Variants in ZNF773 observed in about 807,000 individuals in gnomAD.
The protein encoded by ZNF773 is zinc finger protein 419B.
Under a neutral mutation model 12.8 loss-of-function variants are expected in ZNF773, and 11 were observed. The ratio of observed to expected loss-of-function variants is 0.86; its 90% confidence interval spans 0.54 to 1.42. ZNF773 has a LOEUF of 1.42. Among genes scored for constraint, ZNF773 ranks in the 40% most tolerant of loss-of-function variants. The probability of loss-of-function intolerance (pLI) is 0.00; values close to 1 mark genes in which losing one functional copy is unlikely to be tolerated. For synonymous variants in ZNF773, 175 were observed against 178.4 expected, an observed-to-expected ratio of 0.98 and a Z score of 0.15; for missense variants, 518 against 527.2, an observed-to-expected ratio of 0.98 and a Z score of 0.17.
Position 57,500,053 on chromosome 19 carries a change from G to T in ZNF773, c.-28G>T, listed in dbSNP as rs12463137. On this transcript the variant is annotated 5_prime_UTR_variant, in exon 1 of 4. Transcript: ENST00000282292. ...CCAGGGTGGCCCGGGCCCTTTCCTC[G>T]GTCGTTGTCTCACCGCCACAGGCTC... The T allele has an allele frequency of 0.26, 404,754 of 1,575,490 alleles. 54,058 individuals carry two copies. Among genetic ancestry groups the T allele is most frequent in the Admixed American group, 0.4 (22,260 of 55,862 alleles).
downstream of ZNF773, chr19:57,513,176 G>C: frequency 8.1e-7 from 1 of 1,237,870 alleles, no homozygotes; most frequent in Non-Finnish European, 1.0e-6. Context: ...GAGGTACTGG[G>C]AGTGGGAAGT....
At chr19:57,508,435 A>G (rs2089770642), downstream of ZNF773, 2 of 659,318 alleles carry the variant, frequency 3.0e-6, no homozygotes, top group African/African-American at 1.8e-5. Flanking sequence ...TATGAATGTT[A>G]GATCTTCTTT....
chr19:57,502,816 G>A (rs1327056232), intron 1 of ZNF773, among the ~76,000 whole-genome samples: 5 of 151,988 alleles, frequency 3.3e-5, no homozygotes, highest in Non-Finnish European at 7.4e-5. Context: ...TTAGCCTCCC[G>A]AGTAGCTGGG....
intron 1 of ZNF773, among the ~76,000 whole-genome samples, chr19:57,504,270 G>A (rs2089701655): frequency 6.6e-6 from 1 of 152,222 alleles, no homozygotes; most frequent in African/African-American, 2.4e-5. Flanking sequence ...GCAGGGGGCA[G>A]TGGTTGTGGT....
chr19:57,499,943 C>T lies in ZNF773; in HGVS notation c.-138C>T, dbSNP rs1395484459. On this transcript the variant is annotated 5_prime_UTR_variant, in exon 1 of 4. Coordinates refer to ENST00000282292, the MANE Select transcript of ZNF773 (RefSeq NM_198542.3). ...CAGCTTGCCGGAAGCTGGTTGTTCG[C>T]TGCGGCGACCAGCTCCGGAAAGCGC... is the stretch of plus-strand genomic sequence containing the variant. 2.5e-6 allele frequency: 3 copies of T among 1,201,008 alleles called. No individual in the cohort carries two copies. The highest frequency in any genetic ancestry group is 2.8e-5 in the East Asian group (1 of 35,328). 74.4% of individuals were successfully genotyped at this position (1,201,008 alleles called of 1,614,324 possible). A position where few individuals can be genotyped will look rare whatever the true frequency, so the allele number is the denominator to read the frequency against.
downstream of ZNF773, chr19:57,508,591 T>C: frequency 1.4e-6 from 1 of 698,618 alleles, no homozygotes; most frequent in South Asian, 1.5e-5. Flanking sequence ...GTTTCAAATT[T>C]TAAGAACTTG....
intron 1 of ZNF773, among the ~76,000 whole-genome samples, chr19:57,503,208 A>G (rs2089689282): frequency 6.6e-6 from 1 of 152,194 alleles, no homozygotes; most frequent in Admixed American, 6.5e-5. Flanking sequence ...GGAAACCCAC[A>G]TGATACAGTT....
chr19:57,506,292 G>T, intron 3 of ZNF773, 66 bp from the exon 4 acceptor site: 2 of 1,495,062 alleles, frequency 1.3e-6, no homozygotes, highest in South Asian at 1.3e-5. Flanking sequence ...TGTCAGACAC[G>T]TGTGAGAGTG....
At position 57,507,188 on chromosome 19, in the gene ZNF773, G is replaced by C. The variant is rs372352399; in HGVS notation, c.1093G>C (p.Gly365Arg). The part of the protein sequence containing the change: ...GERPYECSEC[G>R]KFFSQSSSLM... Reference sequence around the variant, plus strand: ...AAGGCCTTATGAGTGCAGTGAATGTGGGAAATTTTTTAGCCAAAGCTCAAG... The same window carrying C: ...AAGGCCTTATGAGTGCAGTGAATGTCGGAAATTTTTTAGCCAAAGCTCAAG... The change falls in exon 4 of 4, where the codon GGG (glycine) becomes CGG (arginine). Residue 365 changes from glycine to arginine, a missense_variant. Physicochemically the swap from Gly to Arg is moderately radical, Grantham distance 125 (BLOSUM62 -2). Coordinates refer to ENST00000282292, the MANE Select transcript of ZNF773 (RefSeq NM_198542.3). The C allele has an allele frequency of 1.7e-5, 27 of 1,614,044 alleles. No individual in the cohort carries two copies. The highest frequency in any genetic ancestry group is 2.0e-5 in the Non-Finnish European group (24 of 1,180,024).
downstream of ZNF773, among the ~76,000 whole-genome samples, chr19:57,511,211 C>T (rs998374759): frequency 6.6e-5 from 10 of 151,932 alleles, no homozygotes; most frequent in East Asian, 1.9e-4. Flanking sequence ...CCACCTCTCC[C>T]GGATACTTTT....
chr19:57,512,144 A>T (rs2089800520), downstream of ZNF773, among the ~76,000 whole-genome samples: 2 of 152,336 alleles, frequency 1.3e-5, no homozygotes, highest in South Asian at 2.1e-4. Flanking sequence ...TACAGGTCCA[A>T]TTATATGTGA....
Position 57,505,531 on chromosome 19 carries a change from C to T in ZNF773, c.262+131C>T, listed in dbSNP as rs1046748572. 7.7e-6 allele frequency: 8 copies of T among 1,033,372 alleles called. No individual in the cohort carries two copies. The African/African-American group carries it at 1.3e-4, about 16-fold the overall frequency. 64.0% of individuals were successfully genotyped at this position (1,033,372 alleles called of 1,614,324 possible). A position where few individuals can be genotyped will look rare whatever the true frequency, so the allele number is the denominator to read the frequency against. On this transcript the variant is annotated intron_variant, in intron 3 of 3. Transcript: ENST00000282292. ...TCGTCGCTGATTTCTATCTTTTCTT[C>T]CTCAGTCACCCATTTATATCTATTC...
Position 57,507,278 on chromosome 19 carries a change from T to C in ZNF773, c.1183T>C (p.Phe395Leu). 6.2e-7 allele frequency: 1 copy of C among 1,611,176 alleles called. No homozygotes were observed. The highest frequency in any genetic ancestry group is 8.5e-7 in the Non-Finnish European group (1 of 1,178,070). Residue 395 changes from phenylalanine (F) to leucine (L), a missense_variant, in exon 4 of 4, where the codon TTC becomes CTC. By Grantham distance (22) the Phe-to-Leu change is conservative. Transcript: ENST00000282292. ...TTTTAAGTGCAATGAATGTGGGAGA[T>C]TCTTTAGTGAGAATTCCAGCCTTGT... ...KPFKCNECGR[F>L]FSENSSLVKH...
At chr19:57,512,470 C>T (rs2089803258), downstream of ZNF773, among the ~76,000 whole-genome samples, 1 of 132,948 alleles carries the variant, frequency 7.5e-6, no homozygotes, top group Admixed American at 9.0e-5. Context: ...GTGGCATGAT[C>T]TTGGCTCACC....
At chr19:57,500,983 G>A (rs1324879034) in intron 1 of ZNF773, among the ~76,000 whole-genome samples, 2 of 152,192 alleles carry the variant, frequency 1.3e-5, no homozygotes, top group Non-Finnish European at 2.9e-5. Context: ...TGCAGGAATG[G>A]AGGGTTATAG....
Position 57,507,298 on chromosome 19 carries a change from C to G in ZNF773, c.1203C>G (p.Ser401Arg). The part of the protein sequence containing the change: ...ECGRFFSENS[S>R]LVKHQRVHTG... ...GGAGATTCTTTAGTGAGAATTCCAG[C>G]CTTGTTAAACATCAGAGGGTTCACA... The change falls in exon 4 of 4, where the codon AGC (serine) becomes AGG (arginine). Residue 401 changes from serine (S) to arginine (R), a missense_variant. Physicochemically the swap from Ser to Arg is moderately radical, Grantham distance 110. Transcript: ENST00000282292. 4 of 1,614,068 alleles carry G rather than the reference C, an allele frequency of 2.5e-6. No homozygotes were observed. The South Asian group carries it at 4.4e-5, about 18-fold the overall frequency.
downstream of ZNF773, chr19:57,508,581 G>C: frequency 1.4e-6 from 1 of 698,148 alleles, no homozygotes. Flanking sequence ...TGATCCAAAT[G>C]TTTCAAATTT....
At chr19:57,505,625 T>C (rs911316692) in intron 3 of ZNF773, among the ~76,000 whole-genome samples, 1 of 152,014 alleles carries the variant, frequency 6.6e-6, no homozygotes, top group African/African-American at 2.4e-5. Context: ...CAGCAGCACC[T>C]TTCAGCAGTG....
At chr19:57,505,849 A>G (rs1032891509) in intron 3 of ZNF773, among the ~76,000 whole-genome samples, 14 of 151,766 alleles carry the variant, frequency 9.2e-5, no homozygotes, top group African/African-American at 3.1e-4. Context: ...AGCCAGGACT[A>G]CAGGCGCCCG....
Sources: allele counts gnomAD v4.1 joint callset (sites outside exome capture counted in the v4.1 genomes callset), GRCh38; gene constraint gnomAD v4.1.1; transcripts MANE v1.5; gene names NCBI Gene and HGNC (gene_info 2026-07-23, HGNC 2026-07-21).